TCF4: variants seen among roughly 807,000 people sequenced by gnomAD.
TCF4 encodes transcription factor 4.
In TCF4, 3 loss-of-function variants were observed where a neutral mutation model predicts 82.1. The observed-to-expected ratio is 0.04, with a 90% CI of 0.02 to 0.09. TCF4 has a LOEUF of 0.09. Among genes scored for constraint, TCF4 ranks in the 10% least tolerant of loss-of-function variants. The pLI is 1.00. For missense variants in TCF4, 518 were observed against 852.7 expected, an observed-to-expected ratio of 0.61 and a Z score of 4.89; for synonymous variants, 276 against 309.6, an observed-to-expected ratio of 0.89 and a Z score of 1.14.
At chr18:55,540,584 T>C (rs1387476839) in intron 3 of TCF4, among the ~76,000 whole-genome samples, 1 of 152,072 alleles carries the variant, frequency 6.6e-6, no homozygotes, top group Non-Finnish European at 1.5e-5. Context: ...ACATTATTAT[T>C]ACATATTTGC....
chr18:55,384,310 G>C (rs2092370405), intron 6 of TCF4: 1 of 152,238 alleles, frequency 6.6e-6, no homozygotes, highest in Non-Finnish European at 1.5e-5. Context: ...ATGAGCGGCA[G>C]TGGAGGTGAC....
chr18:55,388,404 G>C (rs2092779551), intron 6 of TCF4, among the ~76,000 whole-genome samples: 1 of 152,184 alleles, frequency 6.6e-6, no homozygotes, highest in African/African-American at 2.4e-5. Context: ...AGATAGCATG[G>C]GCGGTACGCA....
intron 3 of TCF4, among the ~76,000 whole-genome samples, chr18:55,562,210 C>T (rs538663932): frequency 2.0e-5 from 3 of 152,124 alleles, no homozygotes; most frequent in Non-Finnish European, 2.9e-5. Flanking sequence ...CCATTTGGCC[C>T]CTCTCAGAGA....
upstream of TCF4, among the ~76,000 whole-genome samples, chr18:55,590,380 G>T (rs1017033970): frequency 6.6e-6 from 1 of 152,244 alleles, no homozygotes; most frequent in African/African-American, 2.4e-5. Context: ...CGCTGGAAGT[G>T]TGTGAACTTT....
Position 55,350,375 on chromosome 18 carries a change from G to A in TCF4, c.533C>T (p.Pro178Leu). The A allele has an allele frequency of 6.2e-7, 1 of 1,613,592 alleles. No homozygotes were observed. The highest frequency in any genetic ancestry group is 8.5e-7 in the Non-Finnish European group (1 of 1,179,668). ...VQTKKVRKVP[P>L]GLPSSVYAPS... is the part of the protein sequence containing the mutation. ...AGTACTTACTGAAGATGGCAAACCTGGAGGAACTTTTCGAACTTTCTTTGT... is the reference window on the plus strand; with the variant it reads ...AGTACTTACTGAAGATGGCAAACCTAGAGGAACTTTTCGAACTTTCTTTGT... The change falls in exon 8 of 20, where the codon CCA (proline) becomes CTA (leucine). Residue 178 changes from proline (P) to leucine (L), a missense_variant. Around this residue, in one of 7 missense-constraint regions of TCF4, gnomAD observed 211 missense variants for 327.4 expected, o/e 0.64. Coordinates refer to ENST00000354452, the MANE Select transcript of TCF4 (RefSeq NM_001083962.2).
At chr18:55,364,656 A>G (rs1475907961) in intron 6 of TCF4, among the ~76,000 whole-genome samples, 1 of 152,258 alleles carries the variant, frequency 6.6e-6, no homozygotes, top group East Asian at 1.9e-4. Context: ...TAAGGTGATT[A>G]TATCTGTGCA....
At chr18:55,569,519 C>T (rs1340313660) in intron 3 of TCF4, among the ~76,000 whole-genome samples, 2 of 151,090 alleles carry the variant, frequency 1.3e-5, no homozygotes, top group South Asian at 2.1e-4. Flanking sequence ...CACTCCAGCC[C>T]GGGCAACAGA....
chr18:55,378,921 T>C (rs1397159733), intron 6 of TCF4, among the ~76,000 whole-genome samples: 3 of 152,214 alleles, frequency 2.0e-5, no homozygotes, highest in Non-Finnish European at 2.9e-5. Flanking sequence ...AGAGGCTAGT[T>C]TGAGAACCAC....
intron 10 of TCF4, among the ~76,000 whole-genome samples, chr18:55,272,684 T>C (rs536009236): frequency 6.6e-6 from 1 of 152,196 alleles, no homozygotes; most frequent in African/African-American, 2.4e-5. Flanking sequence ...TACTGATCTT[T>C]TGTGCCAGAC....
intron 2 of TCF4, among the ~76,000 whole-genome samples, chr18:55,619,063 G>A (rs1488769403): frequency 6.6e-6 from 1 of 152,024 alleles, no homozygotes; most frequent in Admixed American, 6.6e-5. Context: ...TCATTTAAAT[G>A]TTTAGTAGAA....
chr18:55,338,126 A>T (rs1350916265), intron 8 of TCF4, among the ~76,000 whole-genome samples: 1 of 152,180 alleles, frequency 6.6e-6, no homozygotes, highest in Admixed American at 6.5e-5. Context: ...TGCTTCCCTT[A>T]GCCCATTCTG....
At chr18:55,371,802 A>T (rs768893034) in intron 6 of TCF4, among the ~76,000 whole-genome samples, 3 of 152,092 alleles carry the variant, frequency 2.0e-5, no homozygotes, top group Non-Finnish European at 2.9e-5. Context: ...TTATTGTCAC[A>T]AGTCTCTATT....
intron 6 of TCF4, chr18:55,351,418 TG>T (rs938668344): frequency 4.6e-5 from 10 of 217,812 alleles, no homozygotes; most frequent in African/African-American, 1.9e-4. Flanking sequence ...CTGCATACAC[TG>T]GGGGTAAGTG....
In TCF4 at chr18:55,288,457, G is replaced by A. The variant is rs187221892; in HGVS notation, c.550-8801C>T. Reference sequence around the variant, plus strand: ...CTTAAAGTCACACAGCTAATAAACTGGCAAAACTGAGATTCAAAACCACGT... The same window carrying A: ...CTTAAAGTCACACAGCTAATAAACTAGCAAAACTGAGATTCAAAACCACGT... On this transcript the variant is annotated intron_variant, in intron 8 of 19. Transcript: ENST00000354452. Among the ~76,000 whole-genome samples the A allele has an allele frequency of 1.6e-4, 25 of 152,264 alleles. No individual in the cohort carries two copies. In the South Asian group the frequency reaches 2.3e-3, roughly 14 times the overall value.
At chr18:55,570,368 T>A (rs761038890) in intron 3 of TCF4, among the ~76,000 whole-genome samples, 1 of 152,038 alleles carries the variant, frequency 6.6e-6, no homozygotes, top group African/African-American at 2.4e-5. Flanking sequence ...AGAGCTACCA[T>A]AGAGAGAGTA....
chr18:55,351,263 C>T (rs1030393662), intron 6 of TCF4: 8 of 413,940 alleles, frequency 1.9e-5, no homozygotes, highest in Non-Finnish European at 3.5e-5. Flanking sequence ...TTTAAGATGA[C>T]TCACGTTTTC....
intron 5 of TCF4, among the ~76,000 whole-genome samples, chr18:55,409,159 G>C (rs147981143): frequency 0.011 from 1,613 of 152,200 alleles, 16 homozygotes; most frequent in Middle Eastern, 0.065. Context: ...AAGAGTAAAA[G>C]TAAAAATATA....
intron 2 of TCF4, among the ~76,000 whole-genome samples, chr18:55,615,151 G>C (rs967466631): frequency 7.9e-5 from 12 of 152,034 alleles, no homozygotes; most frequent in African/African-American, 2.9e-4. Flanking sequence ...GGACCATGTT[G>C]AATCTATAGA....
upstream of TCF4, chr18:55,589,817 G>C: frequency 9.9e-7 from 1 of 1,006,886 alleles, no homozygotes; most frequent in Non-Finnish European, 1.2e-6. Context: ...AAGAGAAGGA[G>C]CTGCGGCCGC....
Sources: gnomAD v4.1 joint callset for allele counts (sites outside exome capture counted in the v4.1 genomes callset) on GRCh38, gnomAD v4.1.1 for gene constraint, gnomAD v4.1.1 regional missense constraint, MANE v1.5 for transcripts, NCBI Gene and HGNC (gene_info 2026-07-23, HGNC 2026-07-21) for gene names.